Variants in FGF14 observed in about 807,000 individuals in gnomAD.
The protein encoded by FGF14 is fibroblast growth factor homologous factor 4.
Under a neutral mutation model 25.5 loss-of-function variants are expected in FGF14, and 5 were observed. That is an observed-to-expected ratio of 0.20 (90% CI 0.10 to 0.41). The LOEUF (loss-of-function observed/expected upper bound fraction) is 0.41. FGF14 is among the 10% of genes least tolerant of loss of function. The pLI is 1.00. For missense variants in FGF14, 222 were observed against 320.1 expected, an observed-to-expected ratio of 0.69 and a Z score of 2.34; for synonymous variants, 138 against 118.3, an observed-to-expected ratio of 1.17 and a Z score of -1.08.
intron 1 of FGF14, among the ~76,000 whole-genome samples, chr13:101,934,968 C>T (rs185593454): frequency 2.1e-4 from 32 of 152,212 alleles, no homozygotes; most frequent in African/African-American, 7.2e-4. Context: ...TCTACAGACA[C>T]GATATTGTAC....
chr13:101,962,624 C>G (rs1277856181), intron 1 of FGF14, among the ~76,000 whole-genome samples: 2 of 152,010 alleles, frequency 1.3e-5, no homozygotes, highest in Non-Finnish European at 2.9e-5. Flanking sequence ...TTCATTTTCA[C>G]TGAAATTGTA....
intron 3 of FGF14, among the ~76,000 whole-genome samples, chr13:101,746,495 A>G (rs2036900825): frequency 6.6e-6 from 1 of 152,038 alleles, no homozygotes; most frequent in African/African-American, 2.4e-5. Flanking sequence ...TACTCATGCA[A>G]TGTCGAATGC....
chr13:102,304,868 A>C (rs1220196384), intron 1 of FGF14, among the ~76,000 whole-genome samples: 2 of 152,086 alleles, frequency 1.3e-5, no homozygotes, highest in African/African-American at 2.4e-5. Context: ...CACTCTAACC[A>C]CAACCTCACA....
intron 1 of FGF14, among the ~76,000 whole-genome samples, chr13:102,085,226 T>A (rs2043839112): frequency 1.3e-5 from 2 of 151,918 alleles, no homozygotes; most frequent in Non-Finnish European, 2.9e-5. Context: ...TTCCCCCACC[T>A]CCTATGTGTA....
At chr13:101,725,166 C>T (rs1257919195) in intron 4 of FGF14, among the ~76,000 whole-genome samples, 1 of 151,906 alleles carries the variant, frequency 6.6e-6, no homozygotes, top group Non-Finnish European at 1.5e-5. Flanking sequence ...AAACAATGGT[C>T]TTATTAGAGC....
At chr13:101,845,900 G>A (rs2043430593) in intron 3 of FGF14, among the ~76,000 whole-genome samples, 2 of 151,960 alleles carry the variant, frequency 1.3e-5, no homozygotes, top group South Asian at 4.1e-4. Context: ...AGGGCTCAGT[G>A]CATATAACTA....
At chr13:102,041,493 G>C (rs191124580) in intron 1 of FGF14, among the ~76,000 whole-genome samples, 100 of 148,168 alleles carry the variant, frequency 6.7e-4, no homozygotes, top group African/African-American at 2.5e-3. Context: ...AAAATAGTAT[G>C]ACCTTCTTTT....
intron 3 of FGF14, among the ~76,000 whole-genome samples, chr13:101,739,070 ATAGTCTC>A (rs2036374163): frequency 6.9e-6 from 1 of 144,078 alleles, no homozygotes; most frequent in Non-Finnish European, 1.5e-5. Context: ...TTCCCACCTC[ATAGTCTC>A]ATACTTTAAC....
chr13:102,171,156 A>G (rs564164939), intron 1 of FGF14, among the ~76,000 whole-genome samples: 235 of 152,312 alleles, frequency 1.5e-3, no homozygotes, highest in Non-Finnish European at 2.7e-3. Flanking sequence ...ATGTTAAAAA[A>G]TACTTGCACA....
intron 1 of FGF14, among the ~76,000 whole-genome samples, chr13:101,942,519 C>T (rs185186601): frequency 4.9e-4 from 74 of 152,326 alleles, no homozygotes; most frequent in African/African-American, 1.6e-3. Flanking sequence ...GTCCAATCAT[C>T]ATCATTCTCC....
At position 101,744,035 on chromosome 13, in the gene FGF14, T is replaced by C. The variant is rs149274528; in HGVS notation, c.409-17225A>G. Reference sequence around the variant, plus strand: ...ATGCAGCATTGTAAAATTGAGATGATTCTGTGAGCAACCCCTCACCATGTT... The same window carrying C: ...ATGCAGCATTGTAAAATTGAGATGACTCTGTGAGCAACCCCTCACCATGTT... On this transcript the variant is annotated intron_variant, in intron 3 of 4. Coordinates refer to ENST00000376143, the MANE Select transcript of FGF14 (RefSeq NM_004115.4). 7.2e-5 allele frequency among the ~76,000 whole-genome samples: 11 copies of C among 152,260 alleles called. No individual in the cohort carries two copies. In the East Asian group the frequency reaches 1.7e-3, roughly 24 times the overall value.
chr13:101,972,549 G>A (rs1244118914), intron 1 of FGF14, among the ~76,000 whole-genome samples: 1 of 152,158 alleles, frequency 6.6e-6, no homozygotes, highest in Non-Finnish European at 1.5e-5. Flanking sequence ...AGTGGCCTAA[G>A]AGATCATTGC....
chr13:102,116,897 C>G (rs528508234), intron 1 of FGF14, among the ~76,000 whole-genome samples: 30 of 152,320 alleles, frequency 2.0e-4, no homozygotes, highest in African/African-American at 7.2e-4. Context: ...CCACACGGCC[C>G]TACCTTACCT....
intron 1 of FGF14, among the ~76,000 whole-genome samples, chr13:102,074,271 C>G (rs2140164414): frequency 6.6e-6 from 1 of 152,262 alleles, no homozygotes; most frequent in East Asian, 1.9e-4. Flanking sequence ...TCATTGGCCT[C>G]CAAAGTGCTA....
chr13:101,940,320 G>C (rs973890064), intron 1 of FGF14, among the ~76,000 whole-genome samples: 1 of 152,140 alleles, frequency 6.6e-6, no homozygotes, highest in Non-Finnish European at 1.5e-5. Context: ...AAGAGGTGGC[G>C]GTCAAGGGAG....
intron 1 of FGF14, among the ~76,000 whole-genome samples, chr13:102,030,716 G>A (rs2041166820): frequency 6.6e-6 from 1 of 151,986 alleles, no homozygotes; most frequent in South Asian, 2.1e-4. Flanking sequence ...TCCCGCACAG[G>A]GACTTCGGGG....
intron 1 of FGF14, among the ~76,000 whole-genome samples, chr13:102,218,788 A>G (rs1222237097): frequency 1.3e-5 from 2 of 152,150 alleles, no homozygotes; most frequent in African/African-American, 2.4e-5. Flanking sequence ...ATGCATTTAT[A>G]TGAATATGTA....
intron 1 of FGF14, among the ~76,000 whole-genome samples, chr13:102,119,151 A>G (rs2045604797): frequency 6.6e-6 from 1 of 152,218 alleles, no homozygotes; most frequent in African/African-American, 2.4e-5. Context: ...AGCATCATCT[A>G]TGAGGTATCC....
At chr13:101,963,398 T>G (rs2036988155) in intron 1 of FGF14, among the ~76,000 whole-genome samples, 1 of 152,198 alleles carries the variant, frequency 6.6e-6, no homozygotes, top group Non-Finnish European at 1.5e-5. Flanking sequence ...ATTCTCCACC[T>G]TCTACATGCC....
Sources: allele counts gnomAD v4.1 joint callset (sites outside exome capture counted in the v4.1 genomes callset), GRCh38; gene constraint gnomAD v4.1.1; transcripts MANE v1.5; gene names NCBI Gene and HGNC (gene_info 2026-07-23, HGNC 2026-07-21).